Variants in PDE3B observed in about 807,000 individuals in gnomAD.
PDE3B encodes phosphodiesterase 3B.
Under a neutral mutation model 116.8 loss-of-function variants are expected in PDE3B, and 66 were observed. The observed-to-expected ratio is 0.56, with a 90% CI of 0.46 to 0.69. The LOEUF is 0.69. Ranked by LOEUF, PDE3B falls within the 30% of genes least tolerant of loss-of-function variation. The pLI is 0.00. For synonymous variants in PDE3B, 595 were observed against 533.6 expected (o/e 1.12, Z -1.59); for missense variants, 1,384 against 1,368.1 (o/e 1.01, Z -0.18).
At chr11:14,787,464 G>A (rs1858244919) in intron 3 of PDE3B, among the ~76,000 whole-genome samples, 1 of 151,908 alleles carries the variant, frequency 6.6e-6, no homozygotes, top group Non-Finnish European at 1.5e-5. Context: ...TTTGTCAATT[G>A]TAATAATGCT....
chr11:14,681,091 T>C (rs1181837954), intron 1 of PDE3B, among the ~76,000 whole-genome samples: 1 of 152,208 alleles, frequency 6.6e-6, no homozygotes, highest in African/African-American at 2.4e-5. Context: ...TTTTCACCAG[T>C]GAAAAGCACA....
intron 2 of PDE3B, among the ~76,000 whole-genome samples, chr11:14,777,085 T>C (rs969745961): frequency 6.6e-6 from 1 of 151,896 alleles, no homozygotes; most frequent in African/African-American, 2.4e-5. Flanking sequence ...AAATGGAAAG[T>C]ATAGAGCTGA....
intron 2 of PDE3B, among the ~76,000 whole-genome samples, chr11:14,781,478 C>T (rs1857998027): frequency 6.6e-6 from 1 of 152,200 alleles, no homozygotes; most frequent in African/African-American, 2.4e-5. Context: ...AAGTGCGCTT[C>T]ATCCCTGGGA....
At chr11:14,690,217 G>C (rs1476549704) in intron 1 of PDE3B, among the ~76,000 whole-genome samples, 1 of 152,164 alleles carries the variant, frequency 6.6e-6, no homozygotes, top group African/African-American at 2.4e-5. Flanking sequence ...CCAGAAGCTA[G>C]TCTGGGAAAA....
intron 1 of PDE3B, among the ~76,000 whole-genome samples, chr11:14,684,488 A>G (rs1400843892): frequency 6.6e-6 from 1 of 152,180 alleles, no homozygotes; most frequent in Non-Finnish European, 1.5e-5. Flanking sequence ...CAAATTCAGA[A>G]CTACTGATTA....
intron 1 of PDE3B, among the ~76,000 whole-genome samples, chr11:14,658,045 C>T (rs1853768408): frequency 6.6e-6 from 1 of 152,188 alleles, no homozygotes; most frequent in South Asian, 2.1e-4. Context: ...CCTGGAGAGC[C>T]TATCCATGGA....
the PDE3B span, chr11:14,878,048 C>T: frequency 1.1e-5 from 16 of 1,497,228 alleles, no homozygotes; most frequent in Non-Finnish European, 1.4e-5. Context: ...CTAATACACA[C>T]ATTGATTTGA....
chr11:14,677,202 T>C (rs1854556891), intron 1 of PDE3B, among the ~76,000 whole-genome samples: 1 of 152,188 alleles, frequency 6.6e-6, no homozygotes, highest in Non-Finnish European at 1.5e-5. Context: ...AAGATGGCAC[T>C]TATCTTGTTG....
intron 5 of PDE3B, among the ~76,000 whole-genome samples, chr11:14,812,129 T>C (rs991730699): frequency 6.6e-6 from 1 of 152,196 alleles, no homozygotes; most frequent in Non-Finnish European, 1.5e-5. Context: ...TGACTGCTAA[T>C]GGGTCTATGG....
At chr11:14,653,403 G>A (rs748220938) in intron 1 of PDE3B, among the ~76,000 whole-genome samples, 2 of 152,036 alleles carry the variant, frequency 1.3e-5, no homozygotes, top group Non-Finnish European at 2.9e-5. Context: ...AAGGTAATAA[G>A]GCACTATGAA....
intron 1 of PDE3B, among the ~76,000 whole-genome samples, chr11:14,680,085 C>T (rs760227328): frequency 1.3e-5 from 2 of 152,142 alleles, no homozygotes; most frequent in African/African-American, 4.8e-5. Flanking sequence ...CTGGTGCCCA[C>T]GTAACGTCAG....
chr11:14,790,166 T>C (rs1439249648), intron 4 of PDE3B, among the ~76,000 whole-genome samples: 1 of 152,022 alleles, frequency 6.6e-6, no homozygotes, highest in Non-Finnish European at 1.5e-5. Flanking sequence ...AGGTGGTTTA[T>C]TAATTTGAAT....
intron 1 of PDE3B, among the ~76,000 whole-genome samples, chr11:14,726,920 A>G (rs549344268): frequency 6.4e-4 from 98 of 152,262 alleles, no homozygotes; most frequent in African/African-American, 2.3e-3. Context: ...AGGAAATGTA[A>G]TCAAGGAAGG....
intron 4 of PDE3B, among the ~76,000 whole-genome samples, chr11:14,795,304 G>A (rs1389201338): frequency 2.0e-5 from 3 of 152,160 alleles, no homozygotes; most frequent in Non-Finnish European, 4.4e-5. Context: ...GAGTTTAGGA[G>A]TTGTATGCTA....
downstream of PDE3B, among the ~76,000 whole-genome samples, chr11:14,873,202 AT>A (rs1555009302): frequency 6.6e-6 from 1 of 152,098 alleles, no homozygotes; most frequent in Non-Finnish European, 1.5e-5. Context: ...ATCAGTTTTT[AT>A]TTTTCTATTA....
Position 14,664,996 on chromosome 11 carries a change from A to G in PDE3B, c.978+19943A>G, listed in dbSNP as rs528822857. Among the ~76,000 whole-genome samples, 682 of 152,368 alleles carry G rather than the reference A, an allele frequency of 4.5e-3. 3 individuals carry two copies. Among genetic ancestry groups the G allele is most frequent in the African/African-American group, 0.015 (607 of 41,578 alleles). On this transcript the variant is annotated intron_variant, in intron 1 of 15. Transcript: ENST00000282096. ...GAATTTTAGACCAATATCCTTGATG[A>G]ACATTGATGCAAAAATCCTCAATAA...
At chr11:14,834,190 T>C (rs541626843) in intron 10 of PDE3B, among the ~76,000 whole-genome samples, 100 of 152,334 alleles carry the variant, frequency 6.6e-4, no homozygotes, top group African/African-American at 2.4e-3. Context: ...TTATTTTATC[T>C]ACTAATGCAT....
At chr11:14,795,967 C>T (rs1300551262) in intron 4 of PDE3B, among the ~76,000 whole-genome samples, 1 of 152,088 alleles carries the variant, frequency 6.6e-6, no homozygotes, top group Non-Finnish European at 1.5e-5. Flanking sequence ...TGGTGGTTCA[C>T]TGCACCCATC....
chr11:14,810,629 C>T (rs1331621635), intron 5 of PDE3B, among the ~76,000 whole-genome samples: 1 of 149,608 alleles, frequency 6.7e-6, no homozygotes, highest in Admixed American at 6.7e-5. Context: ...AATAAACATA[C>T]GTGTGCATGT....
Sources: allele counts gnomAD v4.1 joint callset (sites outside exome capture counted in the v4.1 genomes callset), GRCh38; gene constraint gnomAD v4.1.1; transcripts MANE v1.5; gene names NCBI Gene and HGNC (gene_info 2026-07-23, HGNC 2026-07-21).